SLC20A2: variants seen among roughly 807,000 people sequenced by gnomAD.
SLC20A2 encodes the protein sodium-dependent phosphate transporter 2.
A neutral mutation model predicts 61.0 loss-of-function variants in SLC20A2; 30 were observed. That is an observed-to-expected ratio of 0.49 (90% confidence interval 0.37 to 0.67). SLC20A2 has a LOEUF of 0.67. Among genes scored for constraint, SLC20A2 ranks in the 30% least tolerant of loss-of-function variants. The probability of loss-of-function intolerance (pLI) is 0.00; values close to 1 mark genes in which losing one functional copy is unlikely to be tolerated. For synonymous variants in SLC20A2, 351 were observed against 353.3 expected, an observed-to-expected ratio of 0.99 and a Z score of 0.07; for missense variants, 626 against 866.4, an observed-to-expected ratio of 0.72 and a Z score of 3.48.
At chr8:42,446,849 T>C (rs1230546383) in intron 5 of SLC20A2, among the ~76,000 whole-genome samples, 2 of 151,616 alleles carry the variant, frequency 1.3e-5, no homozygotes, top group Non-Finnish European at 2.9e-5. Context: ...GAGAATTTAC[T>C]AAAAAAAGTA....
intron 5 of SLC20A2, among the ~76,000 whole-genome samples, chr8:42,454,163 T>G (rs1241640685): frequency 6.6e-6 from 1 of 152,070 alleles, no homozygotes; most frequent in Non-Finnish European, 1.5e-5. Context: ...GCCACCACGC[T>G]GGGCAAATTT....
chr8:42,443,310 A>T (rs774973437), intron 6 of SLC20A2, among the ~76,000 whole-genome samples: 1 of 119,288 alleles, frequency 8.4e-6, no homozygotes, highest in Non-Finnish European at 1.7e-5. Flanking sequence ...TATATATATA[A>T]TAAAATGTAT....
chr8:42,431,450 G>A (rs1803863066), intron 8 of SLC20A2, among the ~76,000 whole-genome samples: 1 of 152,222 alleles, frequency 6.6e-6, no homozygotes, highest in African/African-American at 2.4e-5. Context: ...GGTTCTGGAG[G>A]TTTAAGGAAA....
rs115234947 is a variant in SLC20A2, at chr8:42,437,258, G to A, written c.1254C>T (p.Gly418=). ...SAPEDSEKLV[G]DTVSYSKKRL... The stretch of plus-strand genomic sequence containing the variant: ...TCTTCTTGGAGTAGGACACGGTGTC[G>A]CCCACCAGCTTCTCACTGTCCTCTG... The change falls in exon 8 of 11, where the codon GGC becomes GGT. Residue 418 remains glycine (G), a synonymous_variant. Coordinates refer to ENST00000520262, the MANE Select transcript of SLC20A2 (RefSeq NM_001257180.2). The surrounding 1 kb of genome is among the most constrained non-coding windows in gnomAD (Gnocchi z 6.4). The A allele has an allele frequency of 3.3e-3, 5,339 of 1,613,852 alleles. 150 individuals carry two copies. In the African/African-American group the frequency reaches 0.059, roughly 18 times the overall value.
At chr8:42,501,289 T>C (rs1421815855), upstream of SLC20A2, 3 of 152,216 alleles carry the variant, frequency 2.0e-5, 1 homozygote, top group African/African-American at 4.8e-5. Context: ...GTCCTCTTAA[T>C]GGGAAATGCG....
At chr8:42,539,140 T>C (rs989039980) in intron 1 of SLC20A2, among the ~76,000 whole-genome samples, 2 of 152,202 alleles carry the variant, frequency 1.3e-5, no homozygotes, top group Admixed American at 1.3e-4. Context: ...AGAAACCCTC[T>C]TGTAAATACT....
At chr8:42,518,598 C>T (rs771744277) in intron 1 of SLC20A2, among the ~76,000 whole-genome samples, 6 of 152,162 alleles carry the variant, frequency 3.9e-5, no homozygotes, top group Non-Finnish European at 5.9e-5. Context: ...GACATTAACT[C>T]TTGTTTTTTA....
chr8:42,533,909 C>T lies in SLC20A2; in HGVS notation c.-265+7912G>A, dbSNP rs1454182042. 4.6e-5 allele frequency among the ~76,000 whole-genome samples: 7 copies of T among 151,164 alleles called. No individual in the cohort carries two copies. In the East Asian group the frequency reaches 1.4e-3, roughly 30 times the overall value. ...TCCTGACCTCGTGATCTGCCCACCT[C>T]GGCCTCTCACGCCACCATGCCCGGC... is the stretch of plus-strand genomic sequence containing the variant. On this transcript the variant is annotated intron_variant, in intron 1 of 10. Coordinates refer to the SLC20A2 transcript ENST00000342228.
intron 1 of SLC20A2, among the ~76,000 whole-genome samples, chr8:42,494,719 T>C (rs1157544440): frequency 1.3e-5 from 2 of 152,358 alleles, no homozygotes; most frequent in Non-Finnish European, 2.9e-5. Flanking sequence ...GATATTTTAT[T>C]CAACTATTAG....
At chr8:42,443,090 G>C (rs1489810339) in intron 6 of SLC20A2, among the ~76,000 whole-genome samples, 4 of 149,692 alleles carry the variant, frequency 2.7e-5, no homozygotes, top group African/African-American at 9.8e-5. Flanking sequence ...TATTTTTATT[G>C]CTTCGTTTTA....
At chr8:42,422,196 G>A (rs1428189087) in intron 10 of SLC20A2, among the ~76,000 whole-genome samples, 1 of 152,162 alleles carries the variant, frequency 6.6e-6, no homozygotes, top group East Asian at 1.9e-4. Context: ...GGGATTACAG[G>A]CACCCACCAC....
Position 42,437,250 on chromosome 8 carries a change from A to G in SLC20A2, c.1262T>C (p.Val421Ala), listed in dbSNP as rs1209037968. The change falls in exon 8 of 11, where the codon GTG (valine) becomes GCG (alanine). Residue 421 changes from valine to alanine, a missense_variant. Val to Ala is a moderately conservative substitution (Grantham distance 64). Coordinates refer to ENST00000520262, the MANE Select transcript of SLC20A2 (RefSeq NM_001257180.2). The surrounding 1 kb of genome is among the most constrained non-coding windows in gnomAD (Gnocchi z 6.4). ...EDSEKLVGDTVSYSKKRLRYD... is the reference protein window; with the variant it reads ...EDSEKLVGDTASYSKKRLRYD... Reference sequence around the variant, plus strand: ...GCGCAGCCTCTTCTTGGAGTAGGACACGGTGTCGCCCACCAGCTTCTCACT... The same window carrying G: ...GCGCAGCCTCTTCTTGGAGTAGGACGCGGTGTCGCCCACCAGCTTCTCACT... 1 of 1,613,892 alleles carries G rather than the reference A, an allele frequency of 6.2e-7. No individual in the cohort carries two copies. The highest frequency in any genetic ancestry group is 1.7e-5 in the Admixed American group (1 of 60,000).
intron 5 of SLC20A2, among the ~76,000 whole-genome samples, chr8:42,453,106 C>T (rs901284193): frequency 5.3e-5 from 8 of 152,116 alleles, no homozygotes; most frequent in Non-Finnish European, 1.2e-4. Flanking sequence ...CACACATTGC[C>T]TTAGAAGGTG....
chr8:42,493,846 A>G (rs1440927804), intron 1 of SLC20A2, among the ~76,000 whole-genome samples: 1 of 152,206 alleles, frequency 6.6e-6, no homozygotes, highest in Non-Finnish European at 1.5e-5. Context: ...AGATTTTTCC[A>G]GTGTAAAAAT....
intron 5 of SLC20A2, among the ~76,000 whole-genome samples, chr8:42,446,832 G>C (rs1478680028): frequency 6.6e-6 from 1 of 151,438 alleles, no homozygotes; most frequent in Non-Finnish European, 1.5e-5. Flanking sequence ...ATAAGATAAG[G>C]ATCTGGGAGA....
chr8:42,499,354 G>A (rs530241996), intron 1 of SLC20A2, among the ~76,000 whole-genome samples: 1 of 152,262 alleles, frequency 6.6e-6, no homozygotes, highest in South Asian at 2.1e-4. Context: ...CGGCAAACAC[G>A]AGGAATTCCG....
At chr8:42,458,782 G>A (rs553600881) in intron 5 of SLC20A2, among the ~76,000 whole-genome samples, 11 of 151,674 alleles carry the variant, frequency 7.3e-5, no homozygotes, top group Middle Eastern at 3.4e-3. Context: ...GGAGGAGGGC[G>A]CCTGTAGTCC....
At chr8:42,485,290 C>T (rs979419904) in intron 1 of SLC20A2, among the ~76,000 whole-genome samples, 1 of 151,946 alleles carries the variant, frequency 6.6e-6, no homozygotes, top group African/African-American at 2.4e-5. Flanking sequence ...CAGAAAGCAC[C>T]CCCCTCCAAA....
intron 10 of SLC20A2, among the ~76,000 whole-genome samples, chr8:42,421,709 C>G (rs1803052504): frequency 6.6e-6 from 1 of 152,074 alleles, no homozygotes; most frequent in African/African-American, 2.4e-5. Context: ...GAGGCTGAGG[C>G]AGGAGAATTG....
Sources: allele counts gnomAD v4.1 joint callset (sites outside exome capture counted in the v4.1 genomes callset), GRCh38; gene constraint gnomAD v4.1.1; non-coding constraint Gnocchi (gnomAD v3.1); transcripts MANE v1.5; gene names NCBI Gene and HGNC (gene_info 2026-07-23, HGNC 2026-07-21).